Variants in ENPP1 observed in about 807,000 individuals in gnomAD.
ENPP1 encodes ectonucleotide pyrophosphatase/phosphodiesterase 1.
Under a neutral mutation model 122.8 loss-of-function variants are expected in ENPP1, and 73 were observed. The ratio of observed to expected loss-of-function variants is 0.59; its 90% CI spans 0.49 to 0.72. ENPP1 has a LOEUF of 0.72. ENPP1 is among the 30% of genes least tolerant of loss of function. The pLI is 0.00. For missense variants in ENPP1, 978 were observed against 1,128.1 expected, an observed-to-expected ratio of 0.87 and a Z score of 1.91; for synonymous variants, 367 against 391.6, an observed-to-expected ratio of 0.94 and a Z score of 0.74.
chr6:131,808,830 T>G (rs1156599768), intron 1 of ENPP1, among the ~76,000 whole-genome samples: 1 of 152,228 alleles, frequency 6.6e-6, no homozygotes, highest in Non-Finnish European at 1.5e-5. Context: ...ATTATGTGAC[T>G]GAAGAAACCT....
chr6:131,881,508 C>G (rs1369611925), intron 20 of ENPP1, among the ~76,000 whole-genome samples: 1 of 152,144 alleles, frequency 6.6e-6, no homozygotes, highest in Non-Finnish European at 1.5e-5. Context: ...TGACTGTCCT[C>G]CTTTGCTCCA....
At chr6:131,810,341 C>G (rs537134442) in intron 1 of ENPP1, among the ~76,000 whole-genome samples, 1 of 152,174 alleles carries the variant, frequency 6.6e-6, no homozygotes, top group East Asian at 1.9e-4. Flanking sequence ...TTGGGTGACA[C>G]GGTGAGACCC....
chr6:131,821,494 C>G (rs879518657), intron 1 of ENPP1, among the ~76,000 whole-genome samples: 10 of 152,322 alleles, frequency 6.6e-5, no homozygotes, highest in African/African-American at 2.4e-4. Context: ...CAAGTAGCCC[C>G]ATTGCTCTTG....
intron 1 of ENPP1, among the ~76,000 whole-genome samples, chr6:131,825,744 T>G (rs189948830): frequency 3.7e-4 from 56 of 152,316 alleles, no homozygotes; most frequent in East Asian, 2.3e-3. Flanking sequence ...AGATTCCTTA[T>G]CCAAATGATT....
At chr6:131,864,791 A>G (rs550030600) in intron 10 of ENPP1, 75 bp from the exon 11 acceptor site, 2 of 997,952 alleles carry the variant, frequency 2.0e-6, no homozygotes, top group Admixed American at 1.7e-5. Context: ...ATCCCTATCA[A>G]TTGATGAATT....
At chr6:131,876,447 G>A (rs558642611) in intron 17 of ENPP1, among the ~76,000 whole-genome samples, 1 of 152,164 alleles carries the variant, frequency 6.6e-6, no homozygotes. Flanking sequence ...TTTAGTGGGA[G>A]TCTATATAGT....
Position 131,890,445 on chromosome 6 carries a change from A to G in ENPP1, c.2712A>G (p.Arg904=), listed in dbSNP as rs767198265. 3.7e-6 allele frequency: 6 copies of G among 1,613,704 alleles called. No homozygotes were observed. In the South Asian group the frequency reaches 5.5e-5, roughly 15 times the overall value. Residue 904 remains arginine (R), a synonymous_variant, in exon 25 of 25, where the codon AGA becomes AGG. Coordinates refer to ENST00000647893, the MANE Select transcript of ENPP1 (RefSeq NM_006208.3). ...CTGGACTCAGCTTCTATCAACAAAG[A>G]AAAGAGCCAGTTTCAGACATTTTAA... ...HITGLSFYQQ[R]KEPVSDILKL...
chr6:131,886,219 A>G (rs370752546), intron 23 of ENPP1, among the ~76,000 whole-genome samples: 8 of 152,258 alleles, frequency 5.3e-5, no homozygotes, highest in Admixed American at 3.3e-4. Context: ...AGTTAAGACT[A>G]TCAATAATGG....
intron 11 of ENPP1, among the ~76,000 whole-genome samples, chr6:131,867,029 G>A (rs1255341283): frequency 1.3e-5 from 2 of 152,136 alleles, no homozygotes; most frequent in Non-Finnish European, 2.9e-5. Flanking sequence ...CAAAGCACTT[G>A]CTTTTCTGAG....
intron 1 of ENPP1, among the ~76,000 whole-genome samples, chr6:131,817,788 T>TACACACAC (rs1781434187): frequency 9.8e-6 from 1 of 102,446 alleles, no homozygotes; most frequent in South Asian, 3.5e-4. Flanking sequence ...CACACACACG[T>TACACACAC]GTGTATGTAC....
intron 1 of ENPP1, among the ~76,000 whole-genome samples, chr6:131,835,809 A>G (rs1219211484): frequency 6.6e-6 from 1 of 152,100 alleles, no homozygotes; most frequent in East Asian, 1.9e-4. Context: ...TTTGAGCTGC[A>G]ATTTTCTATT....
chr6:131,883,811 G>T, intron 22 of ENPP1, 37 bp downstream of exon 22: 1 of 1,073,276 alleles, frequency 9.3e-7, no homozygotes, highest in South Asian at 1.3e-5. Context: ...TAATTTTAAT[G>T]AATTTGTGCA....
chr6:131,871,934 A>G, intron 13 of ENPP1, 136 bp from the exon 14 acceptor site: 1 of 708,278 alleles, frequency 1.4e-6, no homozygotes, highest in South Asian at 1.6e-5. Context: ...GCTACAATGT[A>G]ATGACTTAAA....
chr6:131,818,471 G>A (rs1384544866), intron 1 of ENPP1, among the ~76,000 whole-genome samples: 2 of 151,992 alleles, frequency 1.3e-5, no homozygotes, highest in African/African-American at 4.8e-5. Flanking sequence ...ACGGTGAAAT[G>A]CCGTCTCTAC....
At chr6:131,828,900 C>T (rs1316905379) in intron 1 of ENPP1, among the ~76,000 whole-genome samples, 1 of 152,172 alleles carries the variant, frequency 6.6e-6, no homozygotes, top group Non-Finnish European at 1.5e-5. Context: ...ACTAGAAATC[C>T]TCTGTTTAGT....
rs183231413 is a variant in ENPP1, at chr6:131,846,341, A to G, written c.241-1435A>G. ...TTGCATTTTCTTGGTTTCAGCTAAG[A>G]TAGGCTGTTCATTATTTATCTGCCA... is the stretch of plus-strand genomic sequence containing the variant. On this transcript the variant is annotated intron_variant, in intron 1 of 24. Transcript: ENST00000647893. 3.5e-3 allele frequency among the ~76,000 whole-genome samples: 532 copies of G among 152,272 alleles called. 1 individual carries two copies. The highest frequency in any genetic ancestry group is 0.012 in the African/African-American group (505 of 41,546).
intron 24 of ENPP1, among the ~76,000 whole-genome samples, chr6:131,887,893 C>T (rs1370800505): frequency 8.2e-6 from 1 of 121,548 alleles, no homozygotes; most frequent in Non-Finnish European, 1.6e-5. Flanking sequence ...TGGAGTCTTG[C>T]TCTGTCACCC....
At chr6:131,835,077 T>G (rs1401010750) in intron 1 of ENPP1, among the ~76,000 whole-genome samples, 1 of 152,246 alleles carries the variant, frequency 6.6e-6, no homozygotes, top group Non-Finnish European at 1.5e-5. Context: ...AATACATGTC[T>G]TAATTCAGAT....
At chr6:131,817,766 C>CACACACAT (rs1562508610) in intron 1 of ENPP1, among the ~76,000 whole-genome samples, 1 of 151,416 alleles carries the variant, frequency 6.6e-6, no homozygotes, top group African/African-American at 2.4e-5. Flanking sequence ...CACACACACA[C>CACACACAT]ACACACACAC....
Sources: allele counts gnomAD v4.1 joint callset (sites outside exome capture counted in the v4.1 genomes callset), GRCh38; gene constraint gnomAD v4.1.1; transcripts MANE v1.5; gene names NCBI Gene and HGNC (gene_info 2026-07-23, HGNC 2026-07-21).